The following SGPP2 variants were observed in gnomAD, a reference collection of about 807,000 sequenced individuals.
SGPP2 encodes the protein sphingosine-1-phosphate phosphatase 2, also known as sphingosine 1-phosphate phosphohydrolase 2.
Under a neutral mutation model 33.9 loss-of-function variants are expected in SGPP2, and 30 were observed. The observed-to-expected ratio is 0.89, with a 90% CI of 0.66 to 1.20. SGPP2 has a LOEUF of 1.20. Among genes scored for constraint, SGPP2 ranks in the 50% most tolerant of loss-of-function variants. SGPP2 has a pLI of 0.00. For missense variants in SGPP2, 458 were observed against 532.1 expected (o/e 0.86, Z 1.37); for synonymous variants, 233 against 225.0 (o/e 1.04, Z -0.32).
intron 1 of SGPP2, among the ~76,000 whole-genome samples, chr2:222,444,639 C>T (rs115756840): frequency 1.6e-3 from 240 of 152,244 alleles, no homozygotes; most frequent in African/African-American, 5.6e-3. Context: ...TTCATCTGAA[C>T]AAGATCTCTT....
At chr2:222,467,975 A>AAAAAAAAAAAAAAAAAAAAG (rs1697775247) in intron 1 of SGPP2, among the ~76,000 whole-genome samples, 1 of 132,472 alleles carries the variant, frequency 7.5e-6, no homozygotes, top group Non-Finnish European at 1.5e-5. Flanking sequence ...AAAAAAAAAA[A>AAAAAAAAAAAAAAAAAAAAG]AAAAAAAAAA....
intron 2 of SGPP2, among the ~76,000 whole-genome samples, chr2:222,486,889 T>C (rs1698119022): frequency 6.6e-6 from 1 of 152,228 alleles, no homozygotes; most frequent in East Asian, 1.9e-4. Context: ...ATTTTTCATT[T>C]TGTGGGTAGT....
intron 1 of SGPP2, among the ~76,000 whole-genome samples, chr2:222,454,482 T>C (rs1697540751): frequency 6.6e-6 from 1 of 152,216 alleles, no homozygotes; most frequent in African/African-American, 2.4e-5. Context: ...TGTGATAAAT[T>C]CTGAAGTGGT....
At position 222,431,035 on chromosome 2, in the gene SGPP2, G is replaced by A. The variant is rs539794050; in HGVS notation, c.219+6214G>A. Among the ~76,000 whole-genome samples the A allele has an allele frequency of 4.6e-5, 7 of 152,222 alleles. No individual in the cohort carries two copies. In the East Asian group the frequency reaches 1.3e-3, roughly 29 times the overall value. On this transcript the variant is annotated intron_variant, in intron 1 of 4. Transcript: ENST00000321276. ...AAGCCTGTGTAAAGTATGGACTTCA[G>A]TTAATAATAATGTATCAATATTGTA...
At chr2:222,478,268 TG>T (rs1697979560) in intron 2 of SGPP2, among the ~76,000 whole-genome samples, 1 of 4,894 alleles carries the variant, frequency 2.0e-4, no homozygotes, top group Non-Finnish European at 1.3e-3. Flanking sequence ...TGCATGCATT[TG>T]TGTGTGTGTG....
At chr2:222,431,228 T>C (rs1367842781) in intron 1 of SGPP2, among the ~76,000 whole-genome samples, 5 of 150,438 alleles carry the variant, frequency 3.3e-5, no homozygotes, top group Non-Finnish European at 7.4e-5. Flanking sequence ...GCATGGTGGC[T>C]CTCTTGAGGT....
At chr2:222,439,374 A>G (rs1697291460) in intron 1 of SGPP2, among the ~76,000 whole-genome samples, 1 of 152,158 alleles carries the variant, frequency 6.6e-6, no homozygotes, top group African/African-American at 2.4e-5. Flanking sequence ...TCTACTAAAA[A>G]TACAAAAATT....
Position 222,559,052 on chromosome 2 carries a change from A to G in SGPP2, c.*154A>G. On this transcript the variant is annotated 3_prime_UTR_variant, in exon 5 of 5. Coordinates refer to ENST00000321276, the MANE Select transcript of SGPP2 (RefSeq NM_152386.4). The stretch of plus-strand genomic sequence containing the variant: ...ACCAGATAAATGATGCTGCTGTGTG[A>G]AAGGAAGAACTGTCTCATAGCGGTC... 1 of 721,338 alleles carries G rather than the reference A, an allele frequency of 1.4e-6. No individual in the cohort carries two copies. The highest frequency in any genetic ancestry group is 2.2e-6 in the Non-Finnish European group (1 of 447,892). The allele number at this position is 721,338 out of a possible 1,614,324, so 44.7% of individuals were successfully genotyped here.
intron 4 of SGPP2, among the ~76,000 whole-genome samples, chr2:222,541,099 G>C (rs1698989877): frequency 6.6e-6 from 1 of 152,164 alleles, no homozygotes; most frequent in South Asian, 2.1e-4. Context: ...TTACAGGCGT[G>C]AGCCACCACG....
Position 222,561,327 on chromosome 2 carries a change from G to A in SGPP2, c.*2429G>A, listed in dbSNP as rs916512784. 3.9e-5 allele frequency among the ~76,000 whole-genome samples: 6 copies of A among 151,936 alleles called. No individual in the cohort carries two copies. The South Asian group carries it at 6.2e-4, about 16-fold the overall frequency. On this transcript the variant is annotated 3_prime_UTR_variant, in exon 5 of 5. Transcript: ENST00000321276. ...AGAGCAGTGGCTGTCAGCCGGATGCGGCACTTTTCTGTATTTTCATCCACA... is the reference window on the plus strand; with the variant it reads ...AGAGCAGTGGCTGTCAGCCGGATGCAGCACTTTTCTGTATTTTCATCCACA...
chr2:222,540,505 A>G (rs570772145), intron 4 of SGPP2, among the ~76,000 whole-genome samples: 1 of 152,226 alleles, frequency 6.6e-6, no homozygotes, highest in Non-Finnish European at 1.5e-5. Context: ...TGTTCATCAC[A>G]GTAGGTTGTG....
intron 2 of SGPP2, among the ~76,000 whole-genome samples, chr2:222,519,111 G>A (rs537831889): frequency 2.6e-4 from 39 of 152,264 alleles, no homozygotes; most frequent in African/African-American, 7.9e-4. Flanking sequence ...CATCCATCAC[G>A]AGCTAAATAA....
intron 2 of SGPP2, among the ~76,000 whole-genome samples, chr2:222,483,395 A>G (rs759532923): frequency 3.3e-5 from 5 of 151,756 alleles, no homozygotes; most frequent in Non-Finnish European, 7.4e-5. Context: ...TTCTGTTCCT[A>G]TCCTTCTAAG....
intron 1 of SGPP2, among the ~76,000 whole-genome samples, chr2:222,437,264 A>G (rs898078905): frequency 2.6e-5 from 4 of 152,188 alleles, no homozygotes; most frequent in Non-Finnish European, 5.9e-5. Context: ...GCTACAGCCC[A>G]TGAGTCAGTA....
In SGPP2 at chr2:222,460,825, C is replaced by T. The variant is rs1019003841; in HGVS notation, c.220-13743C>T. Among the ~76,000 whole-genome samples, 1 of 152,086 alleles carries T rather than the reference C, an allele frequency of 6.6e-6. No homozygotes were observed. Among genetic ancestry groups the T allele is most frequent in the Admixed American group, 6.5e-5 (1 of 15,278 alleles). ...CTGCTGGAATGTCCCTCTTTCCCTT[C>T]TCTGTTAAAATCTGAGTCTTCCTTC... is the stretch of plus-strand genomic sequence containing the variant. On this transcript the variant is annotated intron_variant, in intron 1 of 4. Coordinates refer to ENST00000321276, the MANE Select transcript of SGPP2 (RefSeq NM_152386.4). The surrounding 1 kb of genome is among the most constrained non-coding windows in gnomAD (Gnocchi z 4.3).
chr2:222,452,368 G>A (rs1376202861), intron 1 of SGPP2: 6 of 720,668 alleles, frequency 8.3e-6, no homozygotes, highest in Non-Finnish European at 1.5e-5. Context: ...AGTGCCCAGA[G>A]TCAAATTGAG....
chr2:222,491,285 C>T (rs145264733), intron 2 of SGPP2, among the ~76,000 whole-genome samples: 164 of 152,306 alleles, frequency 1.1e-3, no homozygotes, highest in African/African-American at 3.8e-3. Flanking sequence ...CAGATAGCTA[C>T]CACCATGCCT....
chr2:222,449,330 C>T (rs1697447047), intron 1 of SGPP2, among the ~76,000 whole-genome samples: 1 of 152,318 alleles, frequency 6.6e-6, no homozygotes, highest in South Asian at 2.1e-4. Flanking sequence ...GACACACAAA[C>T]ACAAATTCAT....
intron 2 of SGPP2, among the ~76,000 whole-genome samples, chr2:222,485,987 T>C (rs752414822): frequency 5.3e-5 from 8 of 152,206 alleles, no homozygotes; most frequent in Non-Finnish European, 1.2e-4. Context: ...TTCCCACTCC[T>C]TTCACCAGCA....
Sources: allele counts gnomAD v4.1 joint callset (sites outside exome capture counted in the v4.1 genomes callset), GRCh38; gene constraint gnomAD v4.1.1; non-coding constraint Gnocchi (gnomAD v3.1); transcripts MANE v1.5; gene names NCBI Gene and HGNC (gene_info 2026-07-23, HGNC 2026-07-21).